The following DNAH14 variants were observed in gnomAD, a reference collection of about 807,000 sequenced individuals.
DNAH14 encodes dynein axonemal heavy chain 14.
DNAH14 carries 478 observed loss-of-function variants against 520.9 expected under a neutral mutation model. That is an observed-to-expected ratio of 0.92 (90% confidence interval 0.85 to 0.99). The LOEUF (loss-of-function observed/expected upper bound fraction) is 0.99, where lower values mean the gene tolerates loss of function less well. Among genes scored for constraint, DNAH14 ranks in the 50% least tolerant of loss-of-function variants. DNAH14 has a pLI of 0.00. For missense variants in DNAH14, 4,831 were observed against 5,234.5 expected (o/e 0.92, Z 2.38); for synonymous variants, 1,581 against 1,757.2 (o/e 0.90, Z 2.51).
At chr1:225,351,593 C>T in intron 71 of DNAH14, 54 bp from the exon 72 acceptor site, 2 of 1,329,968 alleles carry the variant, frequency 1.5e-6, no homozygotes, top group South Asian at 3.2e-5. Flanking sequence ...TAATGAATAA[C>T]TAAAAGGTAA....
chr1:225,352,434 C>T (rs1275592906), intron 72 of DNAH14, among the ~76,000 whole-genome samples: 2 of 152,116 alleles, frequency 1.3e-5, no homozygotes, highest in African/African-American at 4.8e-5. Flanking sequence ...TATGCAATAA[C>T]ATAAACATCC....
At chr1:225,393,375 G>T (rs1485767736) in intron 84 of DNAH14, among the ~76,000 whole-genome samples, 1 of 152,182 alleles carries the variant, frequency 6.6e-6, no homozygotes, top group Admixed American at 6.5e-5. Context: ...AGGCTAAATG[G>T]GATAGCCTAT....
intron 8 of DNAH14, among the ~76,000 whole-genome samples, chr1:224,999,257 A>T (rs2063593041): frequency 6.6e-6 from 1 of 151,884 alleles, no homozygotes; most frequent in African/African-American, 2.4e-5. Flanking sequence ...CCTAGGCTGG[A>T]GTGCAATGGC....
intron 57 of DNAH14, 148 bp downstream of exon 57, chr1:225,303,495 C>T (rs929865676): frequency 2.0e-5 from 13 of 661,208 alleles, no homozygotes; most frequent in Middle Eastern, 4.2e-4. Flanking sequence ...ACAATGACTC[C>T]CTATTAATTC....
intron 50 of DNAH14, 144 bp downstream of exon 50, chr1:225,271,010 T>C (rs1034881105): frequency 1.5e-5 from 14 of 939,972 alleles, no homozygotes; most frequent in African/African-American, 1.2e-4. Context: ...TGGCCTATTA[T>C]AATTTGGTTC....
At chr1:225,018,415 T>C (rs2065387434) in intron 10 of DNAH14, among the ~76,000 whole-genome samples, 1 of 152,194 alleles carries the variant, frequency 6.6e-6, no homozygotes, top group East Asian at 1.9e-4. Context: ...CAGCAAAGGT[T>C]CTTAACCAGA....
chr1:225,228,596 C>A (rs1200847219), intron 41 of DNAH14, among the ~76,000 whole-genome samples: 3 of 139,934 alleles, frequency 2.1e-5, no homozygotes, highest in Non-Finnish European at 4.9e-5. Flanking sequence ...CCTGGATAGA[C>A]CCCCCACTCC....
chr1:225,245,247 G>C (rs1258872349), intron 43 of DNAH14, among the ~76,000 whole-genome samples: 3 of 152,124 alleles, frequency 2.0e-5, no homozygotes, highest in African/African-American at 7.2e-5. Context: ...TTTGCTGAGA[G>C]AGTGTTTTAC....
At chr1:225,017,452 C>T (rs1418450870) in intron 10 of DNAH14, among the ~76,000 whole-genome samples, 1 of 152,216 alleles carries the variant, frequency 6.6e-6, no homozygotes, top group African/African-American at 2.4e-5. Context: ...TCCTGCTACC[C>T]CACTGGAGCA....
rs1435150329 is a variant in DNAH14 at position 225,322,649 on chromosome 1, C to T, written c.9336-15C>T. On this transcript the variant is annotated splice_polypyrimidine_tract_variant and intron_variant, in intron 61 of 85. Transcript: ENST00000682510. ...TTAATTGTGAAGTTGATGAGATTTTCATCATCTATTACAGAGTATACACAC... is the reference window on the plus strand; with the variant it reads ...TTAATTGTGAAGTTGATGAGATTTTTATCATCTATTACAGAGTATACACAC... 3.5e-6 allele frequency: 5 copies of T among 1,435,204 alleles called. No homozygotes were observed. Among genetic ancestry groups the T allele is most frequent in the Non-Finnish European group, 4.6e-6 (5 of 1,078,148 alleles). 88.9% of individuals were successfully genotyped at this position (1,435,204 alleles called of 1,614,324 possible). A position where few individuals can be genotyped will look rare whatever the true frequency, so the allele number is the denominator to read the frequency against.
At chr1:225,337,074 A>T (rs975086272) in intron 66 of DNAH14, among the ~76,000 whole-genome samples, 192 bp from the exon 67 acceptor site, 1 of 152,144 alleles carries the variant, frequency 6.6e-6, no homozygotes, top group Non-Finnish European at 1.5e-5. Flanking sequence ...ACAAAAGTGT[A>T]ATTTAGTGAA....
At chr1:224,979,699 C>A (rs1471347978) in intron 8 of DNAH14, among the ~76,000 whole-genome samples, 1 of 152,188 alleles carries the variant, frequency 6.6e-6, no homozygotes, top group Non-Finnish European at 1.5e-5. Flanking sequence ...TAACCCCAGG[C>A]AGCACACCTC....
intron 72 of DNAH14, among the ~76,000 whole-genome samples, chr1:225,353,390 C>A (rs1040176406): frequency 6.6e-6 from 1 of 152,016 alleles, no homozygotes; most frequent in Admixed American, 6.6e-5. Context: ...TTTCCCATAT[C>A]GTTATAGCTG....
In DNAH14 at chr1:225,152,805, T is replaced by C. The variant is rs746722190; in HGVS notation, c.5118T>C (p.Phe1706=). The C allele has an allele frequency of 1.9e-6, 3 of 1,551,494 alleles. No homozygotes were observed. Among genetic ancestry groups the C allele is most frequent in the Non-Finnish European group, 1.7e-6 (2 of 1,146,860 alleles). ...TTGCTGAAATAATATTGTTTTCATT[T>C]GGTTTCAAATCTGCAAATTCACTCT... ...QMIAEIILFS[F]GFKSANSLSG... Residue 1706 remains phenylalanine (F), a synonymous_variant, in exon 33 of 86, where the codon TTT becomes TTC. Coordinates refer to ENST00000682510, the MANE Select transcript of DNAH14 (RefSeq NM_001367479.1).
intron 73 of DNAH14, chr1:225,357,890 C>G (rs1159124116): frequency 1.1e-5 from 8 of 699,496 alleles, no homozygotes; most frequent in Non-Finnish European, 1.8e-5. Flanking sequence ...TTGTATAAAA[C>G]AGTTTTTATG....
chr1:225,272,485 G>C (rs1036335462), intron 51 of DNAH14, among the ~76,000 whole-genome samples: 1 of 152,182 alleles, frequency 6.6e-6, no homozygotes, highest in African/African-American at 2.4e-5. Context: ...TTTCAAAATT[G>C]AAATGTTAAG....
intron 8 of DNAH14, among the ~76,000 whole-genome samples, chr1:224,980,292 G>A (rs1314400956): frequency 6.6e-6 from 1 of 152,084 alleles, no homozygotes; most frequent in African/African-American, 2.4e-5. Context: ...ACCTGGCAAC[G>A]TTCACCACAA....
At chr1:225,105,269 G>C (rs2075929925) in intron 23 of DNAH14, among the ~76,000 whole-genome samples, 1 of 152,056 alleles carries the variant, frequency 6.6e-6, no homozygotes, top group Admixed American at 6.6e-5. Flanking sequence ...TATAATTTCT[G>C]ATCTTTTACA....
chr1:225,316,145 A>G (rs2094463937), intron 60 of DNAH14, among the ~76,000 whole-genome samples: 1 of 152,106 alleles, frequency 6.6e-6, no homozygotes, highest in Admixed American at 6.5e-5. Context: ...AGCTTTGTTT[A>G]CACTGTGAGG....
Sources: allele counts gnomAD v4.1 joint callset (sites outside exome capture counted in the v4.1 genomes callset), GRCh38; gene constraint gnomAD v4.1.1; transcripts MANE v1.5; gene names NCBI Gene and HGNC (gene_info 2026-07-23, HGNC 2026-07-21).